Variants in CPQ observed in about 807,000 individuals in gnomAD.
CPQ encodes the protein carboxypeptidase Q.
CPQ carries 37 observed loss-of-function variants against 45.7 expected under a neutral mutation model. That is an observed-to-expected ratio of 0.81 (90% CI 0.62 to 1.07). The LOEUF is 1.07. CPQ is among the 50% of genes least tolerant of loss of function. CPQ has a pLI of 0.00. For synonymous variants in CPQ, 186 were observed against 205.8 expected (o/e 0.90, Z 0.82); for missense variants, 537 against 572.9 (o/e 0.94, Z 0.64).
chr8:96,742,459 C>T (rs1040073241), intron 1 of CPQ, among the ~76,000 whole-genome samples: 1 of 152,084 alleles, frequency 6.6e-6, no homozygotes, highest in Non-Finnish European at 1.5e-5. Flanking sequence ...TTAATTGGAG[C>T]ATTTAGTGCA....
intron 3 of CPQ, among the ~76,000 whole-genome samples, chr8:96,874,839 C>T (rs560527548): frequency 2.0e-4 from 31 of 151,876 alleles, no homozygotes; most frequent in African/African-American, 6.3e-4. Flanking sequence ...ATTTTCATTT[C>T]GTTATAATAT....
In CPQ at chr8:97,143,124, G is replaced by A. The variant is rs781091940; in HGVS notation, c.1360G>A (p.Val454Ile). 1 of 1,613,958 alleles carries A rather than the reference G, an allele frequency of 6.2e-7. No individual in the cohort carries two copies. ...DPKQMNVAAA[V>I]WAVVSYVVAD... is the part of the protein sequence containing the mutation. ...AAAGCAGATGAATGTTGCTGCTGCT[G>A]TTTGGGCTGTTGTTTCTTATGTTGT... Residue 454 changes from valine (V) to isoleucine (I), a missense_variant, in exon 8 of 8, where the codon GTT becomes ATT. By Grantham distance (29) the Val-to-Ile change is conservative. Transcript: ENST00000220763.
intron 1 of CPQ, among the ~76,000 whole-genome samples, chr8:96,774,867 C>T (rs1810587191): frequency 6.6e-6 from 1 of 152,146 alleles, no homozygotes; most frequent in African/African-American, 2.4e-5. Context: ...CCAAGAAGCA[C>T]TTAAAAGTAG....
intron 4 of CPQ, among the ~76,000 whole-genome samples, chr8:96,884,647 G>A (rs1035510026): frequency 1.3e-5 from 2 of 152,142 alleles, no homozygotes; most frequent in African/African-American, 4.8e-5. Flanking sequence ...AAAAGGAAAT[G>A]TATGATGGTG....
rs532085433 is a variant in CPQ, at chr8:97,126,915, G to A, written c.1256-16105G>A. The stretch of plus-strand genomic sequence containing the variant: ...TTACAAAAGTACAAGGTTATTCAAC[G>A]GGAAAAGGATAGTCTTTACAACAAA... On this transcript the variant is annotated intron_variant, in intron 7 of 7. Coordinates refer to ENST00000220763, the MANE Select transcript of CPQ (RefSeq NM_016134.4). Among the ~76,000 whole-genome samples the A allele has an allele frequency of 4.6e-5, 7 of 152,138 alleles. No individual in the cohort carries two copies. In the South Asian group the frequency reaches 1.5e-3, roughly 32 times the overall value.
At chr8:97,126,254 T>A (rs1811845995) in intron 7 of CPQ, among the ~76,000 whole-genome samples, 3 of 152,102 alleles carry the variant, frequency 2.0e-5, no homozygotes, top group Admixed American at 1.3e-4. Flanking sequence ...CCCTATAATT[T>A]AAAAAAATAA....
intron 3 of CPQ, among the ~76,000 whole-genome samples, chr8:96,877,324 C>T (rs1445162270): frequency 6.6e-6 from 1 of 152,140 alleles, no homozygotes; most frequent in Non-Finnish European, 1.5e-5. Context: ...CTCAGCTGAG[C>T]CATGGGTGCA....
At chr8:97,076,119 G>A (rs554627522) in intron 7 of CPQ, among the ~76,000 whole-genome samples, 3 of 152,172 alleles carry the variant, frequency 2.0e-5, no homozygotes, top group East Asian at 1.9e-4. Context: ...TCCGCCTCCC[G>A]GGTTCAAGTG....
At chr8:96,907,105 A>G (rs1398565393) in intron 4 of CPQ, among the ~76,000 whole-genome samples, 1 of 152,184 alleles carries the variant, frequency 6.6e-6, no homozygotes, top group Non-Finnish European at 1.5e-5. Context: ...GAATGTACTA[A>G]TTAGGGTAAA....
chr8:97,073,363 C>T (rs1198508648), intron 7 of CPQ, among the ~76,000 whole-genome samples: 3 of 152,206 alleles, frequency 2.0e-5, no homozygotes, highest in Admixed American at 6.5e-5. Context: ...AGCCTCTGGA[C>T]CCAGGACTCC....
At chr8:97,118,267 G>A (rs967550121) in intron 7 of CPQ, among the ~76,000 whole-genome samples, 1 of 152,026 alleles carries the variant, frequency 6.6e-6, no homozygotes, top group African/African-American at 2.4e-5. Flanking sequence ...TCACAATGAT[G>A]TGAAAGGATC....
chr8:96,922,195 A>G (rs1218718344), intron 4 of CPQ, among the ~76,000 whole-genome samples: 1 of 152,224 alleles, frequency 6.6e-6, no homozygotes, highest in African/African-American at 2.4e-5. Context: ...AGATGTTTCC[A>G]AAGTATGACC....
chr8:96,871,970 C>G (rs1422390400), intron 3 of CPQ, among the ~76,000 whole-genome samples: 1 of 151,804 alleles, frequency 6.6e-6, no homozygotes, highest in Non-Finnish European at 1.5e-5. Context: ...ATAACCAAAA[C>G]AAAATCAGAA....
chr8:96,795,167 G>A (rs1187694209), intron 2 of CPQ, among the ~76,000 whole-genome samples: 1 of 152,108 alleles, frequency 6.6e-6, no homozygotes, highest in African/African-American at 2.4e-5. Context: ...CCAAAACTGG[G>A]CAATTTACAA....
intron 4 of CPQ, among the ~76,000 whole-genome samples, chr8:96,896,301 A>AG (rs1812441812): frequency 6.6e-6 from 1 of 152,146 alleles, no homozygotes; most frequent in African/African-American, 2.4e-5. Context: ...GCATGGCTTC[A>AG]CACTTCCTGT....
At chr8:96,791,289 C>T (rs886577814) in intron 2 of CPQ, among the ~76,000 whole-genome samples, 1 of 152,154 alleles carries the variant, frequency 6.6e-6, no homozygotes, top group African/African-American at 2.4e-5. Flanking sequence ...TATAAGATTA[C>T]TATTTTTAGC....
Position 96,967,939 on chromosome 8 carries a change from A to C in CPQ, c.961+1893A>C, listed in dbSNP as rs190461362. On this transcript the variant is annotated intron_variant, in intron 5 of 7. Coordinates refer to ENST00000220763, the MANE Select transcript of CPQ (RefSeq NM_016134.4). ...GTTGCTTTGAAAATTAAATAAGCAGAGTATACTTAGAACATGGGCTGGCCC... is the reference window on the plus strand; with the variant it reads ...GTTGCTTTGAAAATTAAATAAGCAGCGTATACTTAGAACATGGGCTGGCCC... Among the ~76,000 whole-genome samples the C allele has an allele frequency of 1.7e-3, 257 of 152,346 alleles. 1 individual carries two copies. Among genetic ancestry groups the C allele is most frequent in the African/African-American group, 5.8e-3 (242 of 41,582 alleles).
intron 5 of CPQ, among the ~76,000 whole-genome samples, chr8:96,984,459 C>G (rs995816350): frequency 6.6e-6 from 1 of 152,112 alleles, no homozygotes. Context: ...GGAGTTCACC[C>G]CATTTTTCCC....
intron 2 of CPQ, among the ~76,000 whole-genome samples, chr8:96,803,723 T>A (rs1227267405): frequency 1.3e-5 from 2 of 152,184 alleles, no homozygotes; most frequent in Non-Finnish European, 2.9e-5. Flanking sequence ...GCATTTCTTA[T>A]TTTCTTCAGT....
Sources: gnomAD v4.1 joint callset for allele counts (sites outside exome capture counted in the v4.1 genomes callset) on GRCh38, gnomAD v4.1.1 for gene constraint, MANE v1.5 for transcripts, NCBI Gene and HGNC (gene_info 2026-07-23, HGNC 2026-07-21) for gene names.